Variants in ZNF829 observed in about 807,000 individuals in gnomAD.
ZNF829 encodes zinc finger protein 829.
Under a neutral mutation model 35.2 loss-of-function variants are expected in ZNF829, and 25 were observed. The observed-to-expected ratio is 0.71, with a 90% CI of 0.52 to 0.99. The LOEUF is 0.99. Among genes scored for constraint, ZNF829 ranks in the 50% least tolerant of loss-of-function variants. ZNF829 has a pLI of 0.00. For synonymous variants in ZNF829, 136 were observed against 163.2 expected (o/e 0.83, Z 1.27); for missense variants, 417 against 515.3 (o/e 0.81, Z 1.85).
chr19:36,899,712 C>T (rs911221219), intron 5 of ZNF829, among the ~76,000 whole-genome samples: 1 of 147,708 alleles, frequency 6.8e-6, no homozygotes, highest in African/African-American at 2.5e-5. Context: ...CTATTGTATA[C>T]TAGAAATTTG....
At chr19:36,912,158 T>TC (rs144733330) in intron 3 of ZNF829, among the ~76,000 whole-genome samples, 24,544 of 152,146 alleles carry the variant, frequency 0.16, 2,484 homozygotes, top group African/African-American at 0.28. Flanking sequence ...ATTATGTCCC[T>TC]TTTCATACTT....
chr19:36,889,052 G>C lies in ZNF829; in HGVS notation c.*2440C>G, dbSNP rs946124075. On this transcript the variant is annotated 3_prime_UTR_variant, in exon 6 of 6. Coordinates refer to ENST00000391711, the MANE Select transcript of ZNF829 (RefSeq NM_001037232.4). ...CTTGCAAAGTGCTGGGATTACAGGTGTGAGTGCCTGGCTTATTTTTAATTC... is the reference window on the plus strand; with the variant it reads ...CTTGCAAAGTGCTGGGATTACAGGTCTGAGTGCCTGGCTTATTTTTAATTC... 6.6e-6 allele frequency: 1 copy of C among 152,216 alleles called. No homozygotes were observed. The highest frequency in any genetic ancestry group is 6.5e-5 in the Admixed American group (1 of 15,270). The allele number at this position is 152,216 out of a possible 1,614,324, so 9.4% of individuals were successfully genotyped here.
At chr19:36,902,862 C>CT (rs2073182270) in intron 5 of ZNF829, among the ~76,000 whole-genome samples, 1 of 151,974 alleles carries the variant, frequency 6.6e-6, no homozygotes, top group South Asian at 2.1e-4. Context: ...ATGGTGAAAC[C>CT]CCGTCTCTAC....
intron 5 of ZNF829, among the ~76,000 whole-genome samples, chr19:36,893,955 C>T (rs766810883): frequency 2.0e-5 from 3 of 152,180 alleles, no homozygotes; most frequent in Admixed American, 6.5e-5. Flanking sequence ...AGGCTCTTGC[C>T]TACCTCTACA....
chr19:36,904,953 G>A (rs2073203489), intron 5 of ZNF829, among the ~76,000 whole-genome samples: 1 of 152,098 alleles, frequency 6.6e-6, no homozygotes, highest in African/African-American at 2.4e-5. Context: ...CTGGGAAAAA[G>A]TGAAGATTCA....
chr19:36,900,015 A>G (rs1044726126), intron 5 of ZNF829, among the ~76,000 whole-genome samples: 1 of 152,098 alleles, frequency 6.6e-6, no homozygotes, highest in African/African-American at 2.4e-5. Context: ...TTTAAAAATA[A>G]CTAAAAGAGG....
chr19:36,902,506 G>T (rs1450711215), intron 5 of ZNF829, among the ~76,000 whole-genome samples: 1 of 152,032 alleles, frequency 6.6e-6, no homozygotes. Context: ...ATGGTGCCGT[G>T]CACCTGTAGT....
At position 36,916,011 on chromosome 19, in the gene ZNF829, C is replaced by T. The variant is rs1600749783; in HGVS notation, c.-85G>A. ...TCTCCTGGGGACCAAAATATCTCAC[C>T]TCCCAGATCTAAGGGTCCCGCCAGG... On this transcript the variant is annotated splice_region_variant and 5_prime_UTR_variant, in exon 1 of 6. Coordinates refer to ENST00000391711, the MANE Select transcript of ZNF829 (RefSeq NM_001037232.4). The surrounding 1 kb of genome is among the most constrained non-coding windows in gnomAD (Gnocchi z 5.3). The T allele has an allele frequency of 1.5e-6, 2 of 1,333,152 alleles. No individual in the cohort carries two copies. The highest frequency in any genetic ancestry group is 1.4e-5 in the South Asian group (1 of 72,672). The allele number at this position is 1,333,152 out of a possible 1,614,324, so 82.6% of individuals were successfully genotyped here.
intron 3 of ZNF829, among the ~76,000 whole-genome samples, chr19:36,910,332 GC>G (rs2073253831): frequency 6.6e-6 from 1 of 152,166 alleles, no homozygotes; most frequent in Admixed American, 6.5e-5. Flanking sequence ...TGATCCACCT[GC>G]CTCAGCCTCC....
At position 36,891,771 on chromosome 19, in the gene ZNF829, A is replaced by C. The variant is rs746024713; in HGVS notation, c.1020T>G (p.Thr340=). The change falls in exon 6 of 6, where the codon ACT becomes ACG. Residue 340 remains threonine, a synonymous_variant. Transcript: ENST00000391711. Reference sequence around the variant, plus strand: ...CACCAGCATGAATTCTGTGATGGTTAGTAAGTGTTGAGGCACTATTAAAGG... The same window carrying C: ...CACCAGCATGAATTCTGTGATGGTTCGTAAGTGTTGAGGCACTATTAAAGG... ...GKAFNSASTL[T]NHHRIHAGEK... 4.3e-6 allele frequency: 7 copies of C among 1,614,180 alleles called. No homozygotes were observed. In the South Asian group the frequency reaches 7.7e-5, roughly 18 times the overall value.
rs1425933733 is a variant in ZNF829 at position 36,914,980 on chromosome 19, T to C, written c.81A>G (p.Leu27=). The stretch of plus-strand genomic sequence containing the variant: ...CCCAACACACCTTGGATACTGCTTG[T>C]AGAAGTTCATCATGCATTCTTTCCT... ...EEEERMHDEL[L]QAVSKGPVMF... The change falls in exon 3 of 6, where the codon CTA becomes CTG. Residue 27 remains leucine (L), a synonymous_variant. Coordinates refer to ENST00000391711, the MANE Select transcript of ZNF829 (RefSeq NM_001037232.4). 6.2e-7 allele frequency: 1 copy of C among 1,614,170 alleles called. No homozygotes were observed. Among genetic ancestry groups the C allele is most frequent in the South Asian group, 1.1e-5 (1 of 91,084 alleles).
chr19:36,907,857 G>T, intron 5 of ZNF829, 72 bp downstream of exon 5: 1 of 1,359,696 alleles, frequency 7.4e-7, no homozygotes. Flanking sequence ...GCCTTTAAAG[G>T]GAGCTTCCTG....
intron 3 of ZNF829, among the ~76,000 whole-genome samples, chr19:36,911,677 G>T (rs1228816794): frequency 6.6e-6 from 1 of 152,126 alleles, no homozygotes; most frequent in Non-Finnish European, 1.5e-5. Flanking sequence ...AAGCAAGGGG[G>T]CCCCTTTAGA....
chr19:36,910,623 A>G (rs999757070), intron 3 of ZNF829, among the ~76,000 whole-genome samples: 5 of 152,230 alleles, frequency 3.3e-5, no homozygotes, highest in Non-Finnish European at 7.3e-5. Context: ...AATACTTTTA[A>G]GACCTTTTCC....
At chr19:36,892,679 A>T (rs909453235) in intron 5 of ZNF829, 13 of 629,130 alleles carry the variant, frequency 2.1e-5, no homozygotes, top group East Asian at 1.1e-4. Flanking sequence ...CAGAAAGTAG[A>T]TGACCTCTAT....
At chr19:36,908,729 C>T (rs1007860385) in intron 3 of ZNF829, among the ~76,000 whole-genome samples, 1 of 152,158 alleles carries the variant, frequency 6.6e-6, no homozygotes, top group African/African-American at 2.4e-5. Flanking sequence ...GGCTTTCAAA[C>T]ACACCTTATA....
In ZNF829 at chr19:36,907,998, T is replaced by C; in HGVS notation, c.250A>G (p.Ile84Val). 2 of 1,613,964 alleles carry C rather than the reference T, an allele frequency of 1.2e-6. No homozygotes were observed. The highest frequency in any genetic ancestry group is 1.7e-6 in the Non-Finnish European group (2 of 1,179,932). The change falls in exon 5 of 6, where the codon ATC becomes GTC. Residue 84 changes from isoleucine (I) to valine (V), a missense_variant. Physicochemically the swap from Ile to Val is conservative, Grantham distance 29 (BLOSUM62 3). Coordinates refer to ENST00000391711, the MANE Select transcript of ZNF829 (RefSeq NM_001037232.4). ...TCTTTTCCTTGTTCCAATAAGGAGATCACAGCTGGCTTAGAATTGGAAAGT... is the reference window on the plus strand; with the variant it reads ...TCTTTTCCTTGTTCCAATAAGGAGACCACAGCTGGCTTAGAATTGGAAAGT... ...VGLSNSKPAV[I>V]SLLEQGKEPW...
chr19:36,901,527 A>G (rs1221180617), intron 5 of ZNF829, among the ~76,000 whole-genome samples: 1 of 152,212 alleles, frequency 6.6e-6, no homozygotes, highest in Non-Finnish European at 1.5e-5. Context: ...TAAAGCTGAA[A>G]ATAAAACAAC....
At position 36,888,614 on chromosome 19, in the gene ZNF829, A is replaced by T. The variant is rs2073020372; in HGVS notation, c.*2878T>A. On this transcript the variant is annotated 3_prime_UTR_variant, in exon 6 of 6. Coordinates refer to ENST00000391711, the MANE Select transcript of ZNF829 (RefSeq NM_001037232.4). The stretch of plus-strand genomic sequence containing the variant: ...AGTTACAAGGGCAGTTGTGTTACAT[A>T]CACATATAGTGTAGTGGGGAAAGTG... 1 of 152,196 alleles carries T rather than the reference A, an allele frequency of 6.6e-6. No individual in the cohort carries two copies. The highest frequency in any genetic ancestry group is 2.4e-5 in the African/African-American group (1 of 41,450). 9.4% of individuals were successfully genotyped at this position (152,196 alleles called of 1,614,324 possible). A position where few individuals can be genotyped will look rare whatever the true frequency, so the allele number is the denominator to read the frequency against.
Sources: gnomAD v4.1 joint callset for allele counts (sites outside exome capture counted in the v4.1 genomes callset) on GRCh38, gnomAD v4.1.1 for gene constraint, Gnocchi (gnomAD v3.1) non-coding constraint, MANE v1.5 for transcripts, NCBI Gene and HGNC (gene_info 2026-07-23, HGNC 2026-07-21) for gene names.